NALF1: variants seen among roughly 807,000 people sequenced by gnomAD.
The protein encoded by NALF1 is family with sequence similarity 155 member A.
NALF1 carries 3 observed loss-of-function variants against 48.4 expected under a neutral mutation model. The ratio of observed to expected loss-of-function variants is 0.06; its 90% confidence interval spans 0.03 to 0.16. The LOEUF (loss-of-function observed/expected upper bound fraction) is 0.16. Ranked by LOEUF, NALF1 falls within the 10% of genes least tolerant of loss-of-function variation. The probability of loss-of-function intolerance (pLI) is 1.00; values close to 1 mark genes in which losing one functional copy is unlikely to be tolerated. For missense variants in NALF1, 526 were observed against 571.5 expected (o/e 0.92, Z 0.81); for synonymous variants, 262 against 245.7 (o/e 1.07, Z -0.62).
intron 1 of NALF1, among the ~76,000 whole-genome samples, chr13:107,624,460 C>A (rs778270855): frequency 9.9e-5 from 15 of 152,240 alleles, no homozygotes; most frequent in South Asian, 6.2e-4. Flanking sequence ...CTGGAAAAAA[C>A]CACAGGATGT....
At chr13:107,470,053 C>T (rs1885075365) in intron 1 of NALF1, among the ~76,000 whole-genome samples, 1 of 151,920 alleles carries the variant, frequency 6.6e-6, no homozygotes, top group African/African-American at 2.4e-5. Flanking sequence ...AACTATGTAT[C>T]TTTTTAATCA....
At chr13:107,850,019 AG>A (rs1273450216) in intron 1 of NALF1, among the ~76,000 whole-genome samples, 2 of 152,238 alleles carry the variant, frequency 1.3e-5, no homozygotes, top group African/African-American at 4.8e-5. Context: ...TTGAAAATTA[AG>A]ATTGTTTCTA....
intron 1 of NALF1, among the ~76,000 whole-genome samples, chr13:107,561,366 A>C (rs1465097312): frequency 6.6e-6 from 1 of 152,194 alleles, no homozygotes; most frequent in Non-Finnish European, 1.5e-5. Context: ...GAAGGCCAAA[A>C]GTAAGTTATT....
chr13:107,216,977 C>G (rs1272955291), intron 1 of NALF1, among the ~76,000 whole-genome samples: 1 of 152,194 alleles, frequency 6.6e-6, no homozygotes, highest in East Asian at 1.9e-4. Context: ...AAAGGGAAAC[C>G]TAAGAAGCAT....
At chr13:107,574,878 C>A (rs942088535) in intron 1 of NALF1, among the ~76,000 whole-genome samples, 3 of 152,062 alleles carry the variant, frequency 2.0e-5, no homozygotes, top group Non-Finnish European at 2.9e-5. Flanking sequence ...AAAGTATATA[C>A]AATCTAGGGT....
chr13:107,348,789 T>C (rs967873221), intron 1 of NALF1, among the ~76,000 whole-genome samples: 6 of 152,230 alleles, frequency 3.9e-5, no homozygotes, highest in Non-Finnish European at 5.9e-5. Flanking sequence ...ATATGTAGTA[T>C]AGTTTTATAT....
intron 1 of NALF1, among the ~76,000 whole-genome samples, chr13:107,652,650 A>T (rs1041800433): frequency 6.6e-6 from 1 of 152,124 alleles, no homozygotes; most frequent in Non-Finnish European, 1.5e-5. Context: ...GCATGAACTC[A>T]AAATCCTAAG....
In NALF1 at chr13:107,525,690, T is replaced by G. The variant is rs144472948; in HGVS notation, c.916-314935A>C. The stretch of plus-strand genomic sequence containing the variant: ...ATTTAATTTTATAAGAAATTGACAA[T>G]CTGTTTTTCCAACGTGGCTCTACTA... On this transcript the variant is annotated intron_variant, in intron 1 of 2. Transcript: ENST00000375915. Among the ~76,000 whole-genome samples the G allele has an allele frequency of 7.4e-3, 1,130 of 152,252 alleles. 8 individuals carry two copies. The highest frequency in any genetic ancestry group is 0.013 in the Non-Finnish European group (871 of 67,976).
chr13:107,656,279 A>G (rs1377412112), intron 1 of NALF1, among the ~76,000 whole-genome samples: 1 of 152,172 alleles, frequency 6.6e-6, no homozygotes, highest in African/African-American at 2.4e-5. Flanking sequence ...ACTAATATCC[A>G]GAATCTACAA....
chr13:107,804,176 C>T lies in NALF1; in HGVS notation c.915+61506G>A, dbSNP rs945691965. Among the ~76,000 whole-genome samples the T allele has an allele frequency of 3.3e-5, 5 of 152,328 alleles. No homozygotes were observed. In the South Asian group the frequency reaches 1.0e-3, roughly 32 times the overall value. On this transcript the variant is annotated intron_variant, in intron 1 of 2. Coordinates refer to ENST00000375915, the MANE Select transcript of NALF1 (RefSeq NM_001080396.3). ...CCTGGGCTTTTCTCTCGCCTGTCCACCTTGATCCAAGCAGGTATCCTTCCT... is the reference window on the plus strand; with the variant it reads ...CCTGGGCTTTTCTCTCGCCTGTCCATCTTGATCCAAGCAGGTATCCTTCCT...
intron 1 of NALF1, among the ~76,000 whole-genome samples, chr13:107,680,363 G>A (rs1881254155): frequency 6.6e-6 from 1 of 152,070 alleles, no homozygotes; most frequent in South Asian, 2.1e-4. Flanking sequence ...CCTGAAAGCT[G>A]AATTATTTTT....
At chr13:107,433,265 T>A (rs574395951) in intron 1 of NALF1, among the ~76,000 whole-genome samples, 1 of 152,324 alleles carries the variant, frequency 6.6e-6, no homozygotes, top group African/African-American at 2.4e-5. Context: ...ATAATAACTT[T>A]ATGCTGGAAG....
At chr13:107,208,333 A>T (rs1879686885) in intron 2 of NALF1, among the ~76,000 whole-genome samples, 1 of 152,180 alleles carries the variant, frequency 6.6e-6, no homozygotes, top group Non-Finnish European at 1.5e-5. Context: ...TTAATGACGT[A>T]GCTATGTCTA....
At chr13:107,743,385 C>T (rs535002281) in intron 1 of NALF1, among the ~76,000 whole-genome samples, 30 of 152,242 alleles carry the variant, frequency 2.0e-4, no homozygotes, top group African/African-American at 6.5e-4. Context: ...TGGTAAGAAA[C>T]GGCATGCTTA....
At chr13:107,581,716 AAGCAAATGGCATCTATTACAACT>A (rs1258144873) in intron 1 of NALF1, among the ~76,000 whole-genome samples, 1 of 152,206 alleles carries the variant, frequency 6.6e-6, no homozygotes, top group African/African-American at 2.4e-5. Context: ...TACAGCTCAT[AAGCAAATGGCATCTATTACAACT>A]AGCAAATTGC....
chr13:107,681,965 G>C (rs546624592), intron 1 of NALF1, among the ~76,000 whole-genome samples: 1 of 152,148 alleles, frequency 6.6e-6, no homozygotes, highest in African/African-American at 2.4e-5. Context: ...GCATGTGCAC[G>C]TTGGACTCCT....
intron 1 of NALF1, among the ~76,000 whole-genome samples, chr13:107,818,839 T>C (rs1297556058): frequency 9.2e-6 from 1 of 108,374 alleles, no homozygotes; most frequent in Admixed American, 1.2e-4. Flanking sequence ...GCCACTGCAC[T>C]CCAGCCTGGG....
chr13:107,566,936 C>G (rs1204647204), intron 1 of NALF1, among the ~76,000 whole-genome samples: 2 of 152,186 alleles, frequency 1.3e-5, no homozygotes, highest in Non-Finnish European at 2.9e-5. Context: ...CAAAAGACTG[C>G]TGTATTTTGG....
chr13:107,507,566 C>T (rs1476479984), intron 1 of NALF1, among the ~76,000 whole-genome samples: 5 of 134,530 alleles, frequency 3.7e-5, no homozygotes, highest in Non-Finnish European at 7.7e-5. Context: ...CCCATCATGT[C>T]CTAGATGCCT....
Sources: allele counts gnomAD v4.1 joint callset (sites outside exome capture counted in the v4.1 genomes callset), GRCh38; gene constraint gnomAD v4.1.1; transcripts MANE v1.5; gene names NCBI Gene and HGNC (gene_info 2026-07-23, HGNC 2026-07-21).